The following KCTD8 variants were observed in gnomAD, a reference collection of about 807,000 sequenced individuals.
KCTD8 encodes potassium channel tetramerization domain containing 8, also known as BTB/POZ domain-containing protein KCTD8.
In KCTD8, 27 loss-of-function variants were observed where a neutral mutation model predicts 31.5. That is an observed-to-expected ratio of 0.86 (90% CI 0.63 to 1.18). KCTD8 has a LOEUF of 1.18. Ranked by LOEUF, KCTD8 falls within the 50% of genes most tolerant of loss-of-function variation. The pLI, the probability that KCTD8 is intolerant of heterozygous loss-of-function variation, is 0.00. For synonymous variants in KCTD8, 290 were observed against 280.0 expected (o/e 1.04, Z -0.36); for missense variants, 658 against 647.7 (o/e 1.02, Z -0.17).
At chr4:44,249,947 T>G (rs573246988) in intron 1 of KCTD8, among the ~76,000 whole-genome samples, 2 of 151,932 alleles carry the variant, frequency 1.3e-5, no homozygotes, top group East Asian at 3.9e-4. Flanking sequence ...TTCCCTTACA[T>G]GTACCTGTAT....
chr4:44,268,654 C>T (rs1378776856), intron 1 of KCTD8, among the ~76,000 whole-genome samples: 3 of 152,184 alleles, frequency 2.0e-5, no homozygotes, highest in Non-Finnish European at 2.9e-5. Context: ...CCCATTGTCT[C>T]AGCCCAAAAA....
At chr4:44,315,294 T>G (rs1718073836) in intron 1 of KCTD8, among the ~76,000 whole-genome samples, 1 of 152,030 alleles carries the variant, frequency 6.6e-6, no homozygotes, top group Non-Finnish European at 1.5e-5. Flanking sequence ...CTTAAAAAAT[T>G]TTAAGAAAAA....
intron 1 of KCTD8, among the ~76,000 whole-genome samples, chr4:44,362,835 T>C (rs1199402248): frequency 6.6e-6 from 1 of 151,854 alleles, no homozygotes; most frequent in African/African-American, 2.4e-5. Flanking sequence ...AAAAATTTAA[T>C]AGCAGATACT....
intron 1 of KCTD8, among the ~76,000 whole-genome samples, chr4:44,301,473 A>G (rs1480323558): frequency 4.6e-5 from 7 of 152,284 alleles, no homozygotes; most frequent in South Asian, 2.1e-4. Context: ...GCCAGTGATG[A>G]TGAGCATTTT....
chr4:44,286,617 G>C (rs1318338773), intron 1 of KCTD8, among the ~76,000 whole-genome samples: 1 of 152,006 alleles, frequency 6.6e-6, no homozygotes, highest in Non-Finnish European at 1.5e-5. Flanking sequence ...CGAAGAAAAG[G>C]GCCAATAACA....
chr4:44,340,051 G>A (rs1718854268), intron 1 of KCTD8, among the ~76,000 whole-genome samples: 1 of 151,938 alleles, frequency 6.6e-6, no homozygotes, highest in Non-Finnish European at 1.5e-5. Context: ...TAGTCACCAG[G>A]GAAATACAAA....
chr4:44,280,031 G>T (rs1380248625), intron 1 of KCTD8, among the ~76,000 whole-genome samples: 1 of 151,872 alleles, frequency 6.6e-6, no homozygotes, highest in Non-Finnish European at 1.5e-5. Flanking sequence ...TTTAACCAAG[G>T]AATGACAGAG....
At chr4:44,384,877 G>T (rs954101093) in intron 1 of KCTD8, among the ~76,000 whole-genome samples, 12 of 151,576 alleles carry the variant, frequency 7.9e-5, no homozygotes, top group African/African-American at 2.9e-4. Flanking sequence ...TTCTACACAT[G>T]TATCAAAATG....
chr4:44,277,593 C>T (rs1716788703), intron 1 of KCTD8, among the ~76,000 whole-genome samples: 1 of 151,816 alleles, frequency 6.6e-6, no homozygotes, highest in African/African-American at 2.4e-5. Flanking sequence ...ACAATTATAT[C>T]AGGCTATAAA....
chr4:44,406,242 T>C (rs149144588), intron 1 of KCTD8, among the ~76,000 whole-genome samples: 70 of 152,264 alleles, frequency 4.6e-4, no homozygotes, highest in African/African-American at 1.6e-3. Flanking sequence ...TTTCAGGGGT[T>C]AAATACAACT....
intron 1 of KCTD8, among the ~76,000 whole-genome samples, chr4:44,408,878 A>G (rs564440949): frequency 1.4e-4 from 21 of 152,076 alleles, no homozygotes; most frequent in African/African-American, 5.1e-4. Context: ...CGGCCTCCCA[A>G]AGTGCTGGGA....
intron 1 of KCTD8, among the ~76,000 whole-genome samples, chr4:44,364,476 GAA>G (rs1312039587): frequency 6.6e-6 from 1 of 152,122 alleles, no homozygotes; most frequent in Non-Finnish European, 1.5e-5. Flanking sequence ...CATTTTTGAT[GAA>G]AGTGCAAAAT....
intron 1 of KCTD8, among the ~76,000 whole-genome samples, chr4:44,181,371 G>T (rs1010085654): frequency 7.2e-5 from 11 of 152,116 alleles, no homozygotes; most frequent in Admixed American, 6.5e-4. Context: ...TCAGCCTGCC[G>T]AGTGCCTGCG....
intron 1 of KCTD8, among the ~76,000 whole-genome samples, chr4:44,235,546 T>G (rs868444124): frequency 0.077 from 4,064 of 53,050 alleles, 504 homozygotes; most frequent in African/African-American, 0.33. Flanking sequence ...TATATATATA[T>G]ATATATATAT....
chr4:44,270,224 A>C (rs1210216639), intron 1 of KCTD8, among the ~76,000 whole-genome samples: 11 of 152,030 alleles, frequency 7.2e-5, no homozygotes, highest in Non-Finnish European at 2.9e-5. Flanking sequence ...AAAAATGATG[A>C]GTTCATGTCC....
chr4:44,190,395 T>C (rs1312408469), intron 1 of KCTD8, among the ~76,000 whole-genome samples: 1 of 152,252 alleles, frequency 6.6e-6, no homozygotes, highest in African/African-American at 2.4e-5. Context: ...GGTTGACATC[T>C]GTTTATAATG....
At chr4:44,208,025 C>A (rs1714368244) in intron 1 of KCTD8, among the ~76,000 whole-genome samples, 1 of 152,074 alleles carries the variant, frequency 6.6e-6, no homozygotes, top group Non-Finnish European at 1.5e-5. Flanking sequence ...TTCTGGAGCT[C>A]AAGAGAGAAG....
chr4:44,277,529 A>ATCATTCAT (rs142273657), intron 1 of KCTD8, among the ~76,000 whole-genome samples: 6 of 151,770 alleles, frequency 4.0e-5, no homozygotes, highest in African/African-American at 1.4e-4. Context: ...CACGGAGTAA[A>ATCATTCAT]TCATTCATTC....
rs1327113307 is a variant in KCTD8 at position 44,324,047 on chromosome 4, A to AC, written c.961+123515_961+123516insG. 3.8e-4 allele frequency among the ~76,000 whole-genome samples: 51 copies of AC among 134,012 alleles called. No homozygotes were observed. The East Asian group carries it at 0.012, about 33-fold the overall frequency. 87.9% of individuals were successfully genotyped at this position (134,012 alleles called of 152,430 possible). A position where few individuals can be genotyped will look rare whatever the true frequency, so the allele number is the denominator to read the frequency against. ...ACCCTAAAACTTAAAGTATAATTAA[A>AC]AAAAAAAAAACAAAACAAAACAAAA... On this transcript the variant is annotated intron_variant, in intron 1 of 1. Transcript: ENST00000360029.
Sources: gnomAD v4.1 joint callset for allele counts (sites outside exome capture counted in the v4.1 genomes callset) on GRCh38, gnomAD v4.1.1 for gene constraint, MANE v1.5 for transcripts, NCBI Gene and HGNC (gene_info 2026-07-23, HGNC 2026-07-21) for gene names.